The following SHISA9 variants were observed in gnomAD, a reference collection of about 807,000 sequenced individuals.
The protein encoded by SHISA9 is shisa family member 9.
SHISA9 carries 13 observed loss-of-function variants against 38.0 expected under a neutral mutation model. The ratio of observed to expected loss-of-function variants is 0.34; its 90% confidence interval spans 0.22 to 0.54. SHISA9 has a LOEUF of 0.54. SHISA9 is among the 20% of genes least tolerant of loss of function. The probability of loss-of-function intolerance (pLI) is 0.91; values close to 1 mark genes in which losing one functional copy is unlikely to be tolerated. For missense variants in SHISA9, 538 were observed against 575.8 expected (o/e 0.93, Z 0.67); for synonymous variants, 275 against 242.0 (o/e 1.14, Z -1.27).
At chr16:13,494,232 C>T in the SHISA9 span, among the ~76,000 whole-genome samples, 2 of 152,144 alleles carry the variant, frequency 1.3e-5, no homozygotes, top group South Asian at 2.1e-4. Context: ...TTCTCCTCTG[C>T]CCACACTCAA....
chr16:13,408,546 C>T, the SHISA9 span, among the ~76,000 whole-genome samples: 6 of 152,104 alleles, frequency 3.9e-5, no homozygotes, highest in African/African-American at 1.4e-4. Flanking sequence ...ATATTATTAT[C>T]AATGACTCAG....
At chr16:12,922,449 G>C (rs1411379803) in intron 2 of SHISA9, among the ~76,000 whole-genome samples, 1 of 152,180 alleles carries the variant, frequency 6.6e-6, no homozygotes, top group Non-Finnish European at 1.5e-5. Flanking sequence ...TACCCCAGTG[G>C]CTATCTCATT....
the SHISA9 span, among the ~76,000 whole-genome samples, chr16:13,523,317 T>A: frequency 6.6e-6 from 1 of 152,160 alleles, no homozygotes; most frequent in African/African-American, 2.4e-5. Flanking sequence ...GCCACTGCAC[T>A]GCAGCCTGGG....
intron 1 of SHISA9, among the ~76,000 whole-genome samples, chr16:12,907,163 CTCCATCCCCCTTCCA>C (rs1436415838): frequency 9.4e-6 from 1 of 106,904 alleles, no homozygotes; most frequent in Non-Finnish European, 1.8e-5. Flanking sequence ...CCCTCCTTCC[CTCCATCCCCCTTCCA>C]CCCTTCCCTC....
intron 2 of SHISA9, among the ~76,000 whole-genome samples, chr16:13,088,744 T>C (rs2073741517): frequency 6.6e-6 from 1 of 152,256 alleles, no homozygotes; most frequent in African/African-American, 2.4e-5. Context: ...TATACAATCA[T>C]GTCATCTGCA....
At chr16:13,034,605 C>CT (rs1398322236) in intron 2 of SHISA9, among the ~76,000 whole-genome samples, 1 of 151,996 alleles carries the variant, frequency 6.6e-6, no homozygotes, top group African/African-American at 2.4e-5. Context: ...CATGCATACT[C>CT]TTTTCCATGT....
At chr16:12,977,278 T>G (rs766605305) in intron 2 of SHISA9, among the ~76,000 whole-genome samples, 5 of 152,034 alleles carry the variant, frequency 3.3e-5, no homozygotes, top group Non-Finnish European at 7.4e-5. Flanking sequence ...GAATTCATGA[T>G]AGGGGGAAGA....
chr16:13,413,446 C>T, the SHISA9 span, among the ~76,000 whole-genome samples: 1 of 152,024 alleles, frequency 6.6e-6, no homozygotes, highest in Non-Finnish European at 1.5e-5. Context: ...GTCTTTGATG[C>T]TGAGATTCTA....
rs1052745800 is a variant in SHISA9 at position 13,216,046 on chromosome 16, G to A, written c.895+2746G>A. On this transcript the variant is annotated intron_variant, in intron 4 of 4. Transcript: ENST00000558583. ...TACTAAAAATACCAAAATTAGCCAG[G>A]CGTGGTGGCACGTGCCTGTAGTCCC... is the stretch of plus-strand genomic sequence containing the variant. Among the ~76,000 whole-genome samples the A allele has an allele frequency of 4.6e-5, 7 of 152,170 alleles. No individual in the cohort carries two copies. The South Asian group carries it at 1.0e-3, about 23-fold the overall frequency.
chr16:13,326,016 A>G, the SHISA9 span, among the ~76,000 whole-genome samples: 1 of 151,330 alleles, frequency 6.6e-6, no homozygotes, highest in African/African-American at 2.4e-5. Context: ...ATGTATACCT[A>G]TGTAACAAAC....
intron 4 of SHISA9, among the ~76,000 whole-genome samples, chr16:13,221,034 G>A (rs201745477): frequency 1.2e-4 from 18 of 147,396 alleles, no homozygotes; most frequent in Admixed American, 1.3e-4. Flanking sequence ...TGGGATTTTA[G>A]AAAAAAAAAA....
intron 2 of SHISA9, among the ~76,000 whole-genome samples, chr16:12,939,333 C>T (rs995121743): frequency 6.6e-6 from 1 of 152,226 alleles, no homozygotes; most frequent in African/African-American, 2.4e-5. Context: ...ATCCACCCAT[C>T]TTGGCCTCCC....
the SHISA9 span, among the ~76,000 whole-genome samples, chr16:13,539,346 G>GAT: frequency 4.1e-4 from 18 of 43,508 alleles, 1 homozygote; most frequent in African/African-American, 1.1e-3. Context: ...TATATATAAA[G>GAT]ATATATATAT....
intron 2 of SHISA9, among the ~76,000 whole-genome samples, chr16:13,077,863 A>G (rs1596632591): frequency 1.3e-5 from 2 of 152,368 alleles, no homozygotes; most frequent in East Asian, 3.8e-4. Context: ...CAATTTACAC[A>G]AAAGAACAAC....
intron 2 of SHISA9, among the ~76,000 whole-genome samples, chr16:13,003,263 T>C (rs1214333071): frequency 6.6e-6 from 1 of 152,194 alleles, no homozygotes; most frequent in Non-Finnish European, 1.5e-5. Flanking sequence ...TGGGGAACCA[T>C]GGACATGTTT....
intron 3 of SHISA9, among the ~76,000 whole-genome samples, chr16:13,210,452 A>G (rs1334177172): frequency 6.6e-6 from 1 of 152,208 alleles, no homozygotes; most frequent in African/African-American, 2.4e-5. Context: ...ATTTTATTAA[A>G]AAAAAATTGT....
At chr16:13,007,428 G>A (rs917087075) in intron 2 of SHISA9, among the ~76,000 whole-genome samples, 3 of 151,964 alleles carry the variant, frequency 2.0e-5, no homozygotes, top group African/African-American at 7.3e-5. Context: ...CACCCTCTTT[G>A]CACAAGTGTT....
chr16:13,419,172 A>C, the SHISA9 span, among the ~76,000 whole-genome samples: 3 of 152,270 alleles, frequency 2.0e-5, no homozygotes, highest in Non-Finnish European at 4.4e-5. Flanking sequence ...TTGGAAAAAT[A>C]AAATTAATAT....
At chr16:13,494,767 G>A in the SHISA9 span, among the ~76,000 whole-genome samples, 2 of 151,980 alleles carry the variant, frequency 1.3e-5, no homozygotes, top group East Asian at 1.9e-4. Context: ...TTTAAAAGGG[G>A]GATTTAAAAC....
Sources: gnomAD v4.1 joint callset for allele counts (sites outside exome capture counted in the v4.1 genomes callset) on GRCh38, gnomAD v4.1.1 for gene constraint, MANE v1.5 for transcripts, NCBI Gene and HGNC (gene_info 2026-07-23, HGNC 2026-07-21) for gene names.